DNAH3: variants seen among roughly 807,000 people sequenced by gnomAD.
DNAH3 encodes the protein axonemal beta dynein heavy chain 3.
A neutral mutation model predicts 432.5 loss-of-function variants in DNAH3; 332 were observed. The observed-to-expected ratio is 0.77, with a 90% CI of 0.70 to 0.84. The LOEUF is 0.84. DNAH3 is among the 40% of genes least tolerant of loss of function. DNAH3 has a pLI of 0.00. For synonymous variants in DNAH3, 1,956 were observed against 1,900.2 expected (o/e 1.03, Z -0.76); for missense variants, 4,861 against 5,114.0 (o/e 0.95, Z 1.51).
At chr16:21,031,601 C>CA (rs749158288) in intron 36 of DNAH3, among the ~76,000 whole-genome samples, 6,237 of 126,432 alleles carry the variant, frequency 0.049, 367 homozygotes, top group African/African-American at 0.15. Flanking sequence ...AGCCGTCTCT[C>CA]AAAAAAAAAA....
chr16:20,976,537 GAA>G (rs1035377462), intron 50 of DNAH3, among the ~76,000 whole-genome samples: 4 of 152,112 alleles, frequency 2.6e-5, no homozygotes, highest in African/African-American at 9.7e-5. Flanking sequence ...AGGCTATGAA[GAA>G]AAAAGACAGC....
intron 40 of DNAH3, among the ~76,000 whole-genome samples, chr16:21,020,387 ATATATATATATTTTT>A (rs1232171389): frequency 0.08 from 2,712 of 34,008 alleles, 44 homozygotes; most frequent in Non-Finnish European, 0.11. Flanking sequence ...ATATATATAT[ATATATATATATTTTT>A]TTTTTTTTTT....
intron 25 of DNAH3, 51 bp from the exon 26 acceptor site, chr16:21,060,407 G>C: frequency 7.1e-7 from 1 of 1,415,974 alleles, no homozygotes; most frequent in Non-Finnish European, 1.0e-6. Context: ...AGCCCAGAGG[G>C]AGGGAGAGTG....
At chr16:20,987,971 G>T (rs757626073) in exon 45 of DNAH3, 1 of 1,614,014 alleles carries the variant, frequency 6.2e-7, no homozygotes, top group East Asian at 2.2e-5. Flanking sequence ...ACCCTTTCCC[G>T]AAGTGCCAGT....
At chr16:21,147,532 CATGTGCAAAATTCCA>C (rs1229447006) in intron 1 of DNAH3, among the ~76,000 whole-genome samples, 1 of 152,206 alleles carries the variant, frequency 6.6e-6, no homozygotes, top group East Asian at 1.9e-4. Flanking sequence ...TGCATTTTCA[CATGTGCAAAATTCCA>C]AAGAGAAATT....
chr16:21,145,891 C>A, intron 2 of DNAH3, 93 bp downstream of exon 3: 1 of 848,418 alleles, frequency 1.2e-6, no homozygotes, highest in Non-Finnish European at 2.0e-6. Context: ...GACTCTCCAC[C>A]CTCATTGAGT....
chr16:20,997,569 T>A (rs963216039), intron 43 of DNAH3, 107 bp from the exon 44 acceptor site: 2 of 1,305,524 alleles, frequency 1.5e-6, no homozygotes, highest in Non-Finnish European at 2.1e-6. Flanking sequence ...TTCCCAGGTT[T>A]CCATTCCCCA....
At chr16:21,037,979 G>A in exon 34 of DNAH3, 1 of 1,613,830 alleles carries the variant, frequency 6.2e-7, no homozygotes, top group Non-Finnish European at 8.5e-7. Flanking sequence ...TTCTGGGCGA[G>A]ACTAGAAGGG....
At chr16:21,030,951 A>G (rs980664694) in intron 37 of DNAH3, 94 bp downstream of exon 37, 1 of 1,280,444 alleles carries the variant, frequency 7.8e-7, no homozygotes, top group African/African-American at 1.5e-5. Context: ...TACATAATAA[A>G]TGTATGTCTC....
chr16:21,101,095 T>C (rs897959511), intron 16 of DNAH3, among the ~76,000 whole-genome samples: 2 of 152,174 alleles, frequency 1.3e-5, no homozygotes, highest in Admixed American at 6.6e-5. Context: ...TGAAAATTCA[T>C]TTAATACACC....
chr16:21,125,777 A>T (rs1319892195), intron 8 of DNAH3, among the ~76,000 whole-genome samples: 1 of 152,192 alleles, frequency 6.6e-6, no homozygotes, highest in African/African-American at 2.4e-5. Flanking sequence ...ATGAGGAGCA[A>T]AGAAAGAAAA....
chr16:21,079,820 C>T (rs1459871049), intron 20 of DNAH3, among the ~76,000 whole-genome samples: 3 of 152,136 alleles, frequency 2.0e-5, no homozygotes, highest in African/African-American at 7.2e-5. Flanking sequence ...GTCTCTAGGC[C>T]TGCTCGTTAA....
exon 6 of DNAH3, chr16:21,136,481 G>C: frequency 6.2e-7 from 1 of 1,614,136 alleles, no homozygotes; most frequent in African/African-American, 1.3e-5. Flanking sequence ...TCATGTCTTT[G>C]CGAATTCCAT....
In DNAH3 at chr16:20,987,937, C is replaced by T. The variant is rs1332323728; in HGVS notation, c.6725+5G>A. The T allele has an allele frequency of 6.2e-7, 1 of 1,614,182 alleles. No individual in the cohort carries two copies. Among genetic ancestry groups the T allele is most frequent in the African/African-American group, 1.3e-5 (1 of 75,044 alleles). On this transcript the variant is annotated splice_donor_5th_base_variant and intron_variant, in intron 45 of 61. Coordinates refer to ENST00000261383, the Ensembl canonical transcript of DNAH3. ...ACTATCCAGGAAGACAGAGAAACCT[C>T]TTACCTTAAAAACATCACATCAAAC...
Position 21,134,362 on chromosome 16 carries a change from CA to C in DNAH3, c.978del (p.Val327CysfsTer21). 6.2e-7 allele frequency: 1 copy of C among 1,614,196 alleles called. No homozygotes were observed. The highest frequency in any genetic ancestry group is 8.5e-7 in the Non-Finnish European group (1 of 1,180,036). The stretch of plus-strand genomic sequence containing the variant: ...CTCCTGTAGACACTGTGCCAGGGCA[CA>C]GGGGCCCGGATCACTCTTTGAGGAA... On this transcript the variant is annotated frameshift_variant, in exon 7 of 62. Transcript: ENST00000261383. LOFTEE classifies it high-confidence loss of function.
At chr16:21,056,015 G>A (rs1162323282) in intron 27 of DNAH3, among the ~76,000 whole-genome samples, 1 of 152,158 alleles carries the variant, frequency 6.6e-6, no homozygotes, top group Non-Finnish European at 1.5e-5. Context: ...TGGGATTACA[G>A]GCATGAGCCA....
intron 52 of DNAH3, among the ~76,000 whole-genome samples, chr16:20,968,075 G>A (rs967121460): frequency 4.3e-4 from 65 of 152,052 alleles, no homozygotes; most frequent in Admixed American, 4.3e-3. Flanking sequence ...AGGGATCAGG[G>A]ATTTCTTTCT....
At chr16:21,138,884 T>C (rs943204519) in intron 5 of DNAH3, among the ~76,000 whole-genome samples, 1 of 151,948 alleles carries the variant, frequency 6.6e-6, no homozygotes, top group Middle Eastern at 3.4e-3. Context: ...TCTCCTACCC[T>C]GTAGCCCTAA....
At chr16:21,081,824 G>A in intron 19 of DNAH3, 97 bp from the exon 20 acceptor site, 3 of 964,320 alleles carry the variant, frequency 3.1e-6, no homozygotes, top group East Asian at 5.1e-5. Context: ...TATCTGCACT[G>A]CTCAGCATAA....
Sources: gnomAD v4.1 joint callset for allele counts (sites outside exome capture counted in the v4.1 genomes callset) on GRCh38, gnomAD v4.1.1 for gene constraint, MANE v1.5 for transcripts, NCBI Gene and HGNC (gene_info 2026-07-23, HGNC 2026-07-21) for gene names.